The following PCDHGB3 variants were observed in gnomAD, a reference collection of about 807,000 sequenced individuals.
PCDHGB3 encodes protocadherin gamma subfamily B, 3.
A neutral mutation model predicts 59.2 loss-of-function variants in PCDHGB3; 40 were observed. That is an observed-to-expected ratio of 0.68 (90% CI 0.52 to 0.88). The LOEUF (loss-of-function observed/expected upper bound fraction) is 0.88. PCDHGB3 is among the 40% of genes least tolerant of loss of function. PCDHGB3 has a pLI of 0.00. For synonymous variants in PCDHGB3, 581 were observed against 503.6 expected, an observed-to-expected ratio of 1.15 and a Z score of -2.06; for missense variants, 1,309 against 1,187.9, an observed-to-expected ratio of 1.10 and a Z score of -1.50.
chr5:141,439,190 CA>C (rs200519543), intron 1 of PCDHGB3, among the ~76,000 whole-genome samples: 2,445 of 111,432 alleles, frequency 0.022, 39 homozygotes, highest in African/African-American at 0.057. Flanking sequence ...GAGACTCTGA[CA>C]AAAAAAAAAA....
chr5:141,423,970 A>C, intron 1 of PCDHGB3: 1 of 1,143,228 alleles, frequency 8.7e-7, no homozygotes, highest in Non-Finnish European at 1.1e-6. Flanking sequence ...TTCTATTATC[A>C]GTGTATGAGG....
At position 141,469,305 on chromosome 5, in the gene PCDHGB3, G is replaced by A. The variant is rs990437808; in HGVS notation, c.2416-25502G>A. Among the ~76,000 whole-genome samples the A allele has an allele frequency of 3.9e-5, 6 of 152,192 alleles. No homozygotes were observed. The South Asian group carries it at 6.2e-4, about 16-fold the overall frequency. On this transcript the variant is annotated intron_variant, in intron 1 of 3. Transcript: ENST00000576222. ...AAATAAAACAAAATAGACTGGGCACGATGGCTCACGCCTGTAATCCCACCA... is the reference window on the plus strand; with the variant it reads ...AAATAAAACAAAATAGACTGGGCACAATGGCTCACGCCTGTAATCCCACCA...
At position 141,477,115 on chromosome 5, in the gene PCDHGB3, A is replaced by T. The variant is rs1218111107; in HGVS notation, c.2416-17692A>T. On this transcript the variant is annotated intron_variant, in intron 1 of 3. Coordinates refer to ENST00000576222, the MANE Select transcript of PCDHGB3 (RefSeq NM_018924.5). The surrounding 1 kb of genome is among the most constrained non-coding windows in gnomAD (Gnocchi z 4.9). Reference sequence around the variant, plus strand: ...AAGACAAGGGCGCCAATCCCGAAGGAGCACATTGCAAAGTGTTGGTGGAGG... The same window carrying T: ...AAGACAAGGGCGCCAATCCCGAAGGTGCACATTGCAAAGTGTTGGTGGAGG... The T allele has an allele frequency of 6.2e-7, 1 of 1,614,230 alleles. No individual in the cohort carries two copies. Among genetic ancestry groups the T allele is most frequent in the Non-Finnish European group, 8.5e-7 (1 of 1,180,038 alleles).
At chr5:141,438,896 CCT>C (rs886177991) in intron 1 of PCDHGB3, among the ~76,000 whole-genome samples, 30 of 151,820 alleles carry the variant, frequency 2.0e-4, no homozygotes, top group Non-Finnish European at 7.4e-5. Context: ...GAACTCCTGA[CCT>C]CAGGTGATCC....
At chr5:141,441,073 G>A (rs1591647632) in intron 1 of PCDHGB3, 1 of 152,152 alleles carries the variant, frequency 6.6e-6, no homozygotes, top group Non-Finnish European at 1.5e-5. Flanking sequence ...AATTTCCATG[G>A]TTTTGGTAGC....
chr5:141,419,455 G>A lies in PCDHGB3; in HGVS notation c.2415+46646G>A, dbSNP rs770156844. 8.1e-6 allele frequency: 13 copies of A among 1,612,598 alleles called. No homozygotes were observed. The African/African-American group carries it at 1.7e-4, about 22-fold the overall frequency. ...AGCTGCGCACCTTCGAGCTCACGCT[G>A]CAGGCCCGCGACCAGGGCTCGCCCG... is the stretch of plus-strand genomic sequence containing the variant. On this transcript the variant is annotated intron_variant, in intron 1 of 3. Coordinates refer to ENST00000576222, the MANE Select transcript of PCDHGB3 (RefSeq NM_018924.5).
chr5:141,487,451 A>G lies in PCDHGB3; in HGVS notation c.2416-7356A>G. 6.2e-7 allele frequency: 1 copy of G among 1,614,122 alleles called. No homozygotes were observed. Among genetic ancestry groups the G allele is most frequent in the Non-Finnish European group, 8.5e-7 (1 of 1,180,006 alleles). On this transcript the variant is annotated intron_variant, in intron 1 of 3. Transcript: ENST00000576222. This position sits in a 1 kb window ranked among gnomAD's most constrained non-coding sequence, Gnocchi z 5.0. ...AATCCAGCTAGGGTCAGATGACCCT[A>G]TCAAGTTTGTTGATGTGGGAGGCCA...
chr5:141,427,658 C>A, intron 1 of PCDHGB3: 2 of 738,894 alleles, frequency 2.7e-6, no homozygotes, highest in Non-Finnish European at 4.8e-6. Context: ...ACGTGGTCCA[C>A]GTGGCCGAAA....
chr5:141,508,979 G>A (rs1317798009), intron 3 of PCDHGB3, among the ~76,000 whole-genome samples: 1 of 152,110 alleles, frequency 6.6e-6, no homozygotes, highest in Non-Finnish European at 1.5e-5. Context: ...GCTGGGGGTG[G>A]GGGCCAGCTG....
rs1454432396 is a variant in PCDHGB3 at position 141,388,086 on chromosome 5, G to T, written c.2415+15277G>T. 2.9e-6 allele frequency: 4 copies of T among 1,368,264 alleles called. No individual in the cohort carries two copies. Among genetic ancestry groups the T allele is most frequent in the Admixed American group, 2.0e-5 (1 of 48,944 alleles). The allele number at this position is 1,368,264 out of a possible 1,614,324, so 84.8% of individuals were successfully genotyped here. On this transcript the variant is annotated intron_variant, in intron 1 of 3. Coordinates refer to ENST00000576222, the MANE Select transcript of PCDHGB3 (RefSeq NM_018924.5). ...GGAGTTACCGACTCGAAAACTGCGCGTCAGTTCGGAGAAGCCTTACTTCAC... is the reference window on the plus strand; with the variant it reads ...GGAGTTACCGACTCGAAAACTGCGCTTCAGTTCGGAGAAGCCTTACTTCAC...
chr5:141,481,856 G>A (rs1402368786), intron 1 of PCDHGB3, among the ~76,000 whole-genome samples: 1 of 149,156 alleles, frequency 6.7e-6, no homozygotes, highest in Admixed American at 6.8e-5. Flanking sequence ...GGAGGTTGCA[G>A]TGAGCCGAGA....
At position 141,431,954 on chromosome 5, in the gene PCDHGB3, G is replaced by A. The variant is rs912037044; in HGVS notation, c.2415+59145G>A. 6.2e-7 allele frequency: 1 copy of A among 1,613,992 alleles called. No individual in the cohort carries two copies. Among genetic ancestry groups the A allele is most frequent in the African/African-American group, 1.3e-5 (1 of 74,896 alleles). ...GCCCTTTAAATTAGAAAAATCTTAC[G>A]GAAATTACTATAGTTTAGTCACAGA... is the stretch of plus-strand genomic sequence containing the variant. On this transcript the variant is annotated intron_variant, in intron 1 of 3. Coordinates refer to ENST00000576222, the MANE Select transcript of PCDHGB3 (RefSeq NM_018924.5). This position sits in a 1 kb window ranked among gnomAD's most constrained non-coding sequence, Gnocchi z 4.8.
chr5:141,404,718 C>G (rs747745561), intron 1 of PCDHGB3: 1 of 1,614,072 alleles, frequency 6.2e-7, no homozygotes, highest in Admixed American at 1.7e-5. Context: ...TACCTGGTGA[C>G]CAAGGTGGTG....
intron 1 of PCDHGB3, among the ~76,000 whole-genome samples, chr5:141,457,459 C>G (rs749463185): frequency 1.6e-4 from 24 of 152,166 alleles, no homozygotes; most frequent in Non-Finnish European, 3.4e-4. Context: ...CCACTTGATT[C>G]ACAGGAATAA....
intron 1 of PCDHGB3, chr5:141,441,986 C>A (rs2098288559): frequency 1.1e-5 from 3 of 269,098 alleles, no homozygotes; most frequent in South Asian, 7.5e-5. Context: ...GAATGCGCAC[C>A]GACGAGGTGC....
chr5:141,413,891 C>G, intron 1 of PCDHGB3: 1 of 1,613,382 alleles, frequency 6.2e-7, no homozygotes, highest in East Asian at 2.2e-5. Flanking sequence ...GTCTTCGATG[C>G]AAATGACAAC....
At chr5:141,403,003 C>T in intron 1 of PCDHGB3, 3 of 1,613,970 alleles carry the variant, frequency 1.9e-6, no homozygotes, top group South Asian at 1.1e-5. Flanking sequence ...TCCTGCTATG[C>T]TCGCTCCTGG....
intron 1 of PCDHGB3, among the ~76,000 whole-genome samples, chr5:141,400,951 C>A (rs991607511): frequency 6.6e-6 from 1 of 152,174 alleles, no homozygotes; most frequent in Non-Finnish European, 1.5e-5. Flanking sequence ...ACTGATTTCA[C>A]TGGTAGTTTT....
chr5:141,501,130 G>C (rs528942194), intron 2 of PCDHGB3, among the ~76,000 whole-genome samples: 1 of 152,218 alleles, frequency 6.6e-6, no homozygotes, highest in South Asian at 2.1e-4. Flanking sequence ...GCCTCCCTAA[G>C]TGCTGGGATT....
Sources: gnomAD v4.1 joint callset for allele counts (sites outside exome capture counted in the v4.1 genomes callset) on GRCh38, gnomAD v4.1.1 for gene constraint, Gnocchi (gnomAD v3.1) non-coding constraint, MANE v1.5 for transcripts, NCBI Gene and HGNC (gene_info 2026-07-23, HGNC 2026-07-21) for gene names.